Variants in PACRG observed in about 807,000 individuals in gnomAD.
PACRG encodes the protein parkin coregulated gene protein.
PACRG carries 29 observed loss-of-function variants against 29.7 expected under a neutral mutation model. That is an observed-to-expected ratio of 0.98 (90% CI 0.73 to 1.33). PACRG has a LOEUF of 1.33. Ranked by LOEUF, PACRG falls within the 40% of genes most tolerant of loss-of-function variation. PACRG has a pLI of 0.00. For missense variants in PACRG, 279 were observed against 316.2 expected (o/e 0.88, Z 0.89); for synonymous variants, 116 against 118.7 (o/e 0.98, Z 0.15).
chr6:163,131,622 G>A (rs1414023449), intron 4 of PACRG, among the ~76,000 whole-genome samples: 1 of 152,164 alleles, frequency 6.6e-6, no homozygotes, highest in African/African-American at 2.4e-5. Context: ...CACCAGGTTT[G>A]TGGTACGTTA....
chr6:163,240,034 C>A lies in PACRG; in HGVS notation c.614-74793C>A, dbSNP rs1196503244. On this transcript the variant is annotated intron_variant, in intron 4 of 4. Transcript: ENST00000366888. ...CACATACACATACACACACCCTCAC[C>A]CCTACTTCTACAGACACATACACAC... Among the ~76,000 whole-genome samples the A allele has an allele frequency of 2.0e-5, 3 of 148,460 alleles. No homozygotes were observed. In the South Asian group the frequency reaches 6.5e-4, roughly 32 times the overall value.
At chr6:163,277,502 TAC>T (rs149681578) in intron 4 of PACRG, among the ~76,000 whole-genome samples, 35 of 144,354 alleles carry the variant, frequency 2.4e-4, no homozygotes, top group South Asian at 8.7e-4. Context: ...TATACACACA[TAC>T]ACACACACAC....
intron 3 of PACRG, among the ~76,000 whole-genome samples, chr6:163,071,358 A>G (rs907472764): frequency 3.9e-5 from 6 of 152,148 alleles, no homozygotes; most frequent in Admixed American, 2.0e-4. Context: ...TTGAACTACA[A>G]TGGACTAAAA....
chr6:163,046,272 C>T (rs554165616), intron 2 of PACRG, among the ~76,000 whole-genome samples: 21 of 151,224 alleles, frequency 1.4e-4, no homozygotes, highest in African/African-American at 5.1e-4. Flanking sequence ...ATTTTCCTGA[C>T]TCCAGCCCAT....
chr6:162,891,424 T>C (rs550534121), intron 2 of PACRG, among the ~76,000 whole-genome samples: 3 of 152,208 alleles, frequency 2.0e-5, no homozygotes, highest in South Asian at 2.1e-4. Context: ...CCACAATTCA[T>C]AGAAGTTCCC....
At chr6:162,833,344 C>A (rs1304754174) in intron 2 of PACRG, among the ~76,000 whole-genome samples, 1 of 152,098 alleles carries the variant, frequency 6.6e-6, no homozygotes, top group Non-Finnish European at 1.5e-5. Flanking sequence ...TGTCTTTCTT[C>A]TAGTAACTGC....
At chr6:163,269,951 G>GAAAGAAAGAAAGAAAAC (rs1783739031) in intron 4 of PACRG, among the ~76,000 whole-genome samples, 2 of 44,404 alleles carry the variant, frequency 4.5e-5, no homozygotes, top group Admixed American at 2.0e-4. Flanking sequence ...AAGAAAGAAA[G>GAAAGAAAGAAAGAAAAC]AAAGAAAGAA....
chr6:162,939,759 T>G (rs985151228), intron 2 of PACRG, among the ~76,000 whole-genome samples: 1 of 152,068 alleles, frequency 6.6e-6, no homozygotes, highest in Non-Finnish European at 1.5e-5. Flanking sequence ...GTTATATTGT[T>G]GAACACTGCC....
chr6:162,838,731 A>G (rs1406349054), intron 2 of PACRG, among the ~76,000 whole-genome samples: 6 of 131,416 alleles, frequency 4.6e-5, no homozygotes, highest in Non-Finnish European at 9.8e-5. Context: ...TCCCAATGCT[A>G]TCCCTCCCCC....
chr6:162,907,906 T>C (rs956511559), intron 2 of PACRG, among the ~76,000 whole-genome samples: 1 of 152,162 alleles, frequency 6.6e-6, no homozygotes, highest in Non-Finnish European at 1.5e-5. Context: ...CTTATGACAC[T>C]GCCATCTTCA....
At chr6:163,193,480 G>A (rs890218719) in intron 4 of PACRG, among the ~76,000 whole-genome samples, 10 of 152,080 alleles carry the variant, frequency 6.6e-5, no homozygotes, top group African/African-American at 2.2e-4. Context: ...CTATCAACAA[G>A]GCGATTGTTC....
chr6:162,993,099 TGA>T (rs1282142398), intron 2 of PACRG, among the ~76,000 whole-genome samples: 1 of 147,254 alleles, frequency 6.8e-6, no homozygotes, highest in Non-Finnish European at 1.5e-5. Context: ...CACTGTGGTC[TGA>T]GAGATAGTTT....
rs553719821 is a variant in PACRG, at chr6:163,260,902, T to C, written c.614-53925T>C. 4.6e-5 allele frequency among the ~76,000 whole-genome samples: 7 copies of C among 152,296 alleles called. No homozygotes were observed. The South Asian group carries it at 1.5e-3, about 32-fold the overall frequency. ...TCTCCCAGGGTCTCAGGACCATGTC[T>C]GTAAGGTAGATGCTATTCGAATCTA... On this transcript the variant is annotated intron_variant, in intron 4 of 4. Coordinates refer to ENST00000366888, the MANE Select transcript of PACRG (RefSeq NM_001080379.2).
At chr6:163,242,119 T>G (rs1039400466) in intron 4 of PACRG, among the ~76,000 whole-genome samples, 3 of 152,202 alleles carry the variant, frequency 2.0e-5, no homozygotes, top group Non-Finnish European at 2.9e-5. Context: ...TTTTCATCCA[T>G]GCAACAAAAA....
At position 162,914,381 on chromosome 6, in the gene PACRG, C is replaced by T. The variant is rs141612905; in HGVS notation, c.291+100100C>T. ...CCGTATACATATGGAATAGAATAGA[C>T]GGTCCAGAAGTAGACTGAACAGTCT... On this transcript the variant is annotated intron_variant, in intron 2 of 4. Coordinates refer to ENST00000366888, the MANE Select transcript of PACRG (RefSeq NM_001080379.2). Among the ~76,000 whole-genome samples the T allele has an allele frequency of 4.7e-3, 716 of 152,092 alleles. 6 individuals carry two copies. Among genetic ancestry groups the T allele is most frequent in the African/African-American group, 0.016 (666 of 41,518 alleles).
At chr6:162,740,890 C>T (rs1430999734) in intron 1 of PACRG, among the ~76,000 whole-genome samples, 3 of 152,168 alleles carry the variant, frequency 2.0e-5, no homozygotes, top group Admixed American at 6.5e-5. Context: ...TGAGCCACCA[C>T]GCCCAGCCAT....
At chr6:163,195,865 G>A (rs1185812542) in intron 4 of PACRG, among the ~76,000 whole-genome samples, 1 of 152,134 alleles carries the variant, frequency 6.6e-6, no homozygotes, top group Non-Finnish European at 1.5e-5. Flanking sequence ...GGGTGTCTCC[G>A]CTGGCTCCCC....
Position 163,197,623 on chromosome 6 carries a change from G to A in PACRG, c.613+108215G>A, listed in dbSNP as rs543300004. On this transcript the variant is annotated intron_variant, in intron 4 of 4. Transcript: ENST00000366888. The stretch of plus-strand genomic sequence containing the variant: ...CACGCCCGGCTAATTTTTTTTTTTC[G>A]TGTTTTTAGTAGAGACGGGGTTTCA... Among the ~76,000 whole-genome samples the A allele has an allele frequency of 6.0e-4, 84 of 138,930 alleles. No homozygotes were observed. The East Asian group carries it at 0.013, about 22-fold the overall frequency. The allele number at this position is 138,930 out of a possible 152,430, so 91.1% of individuals were successfully genotyped here.
chr6:163,004,701 AGT>A lies in PACRG; in HGVS notation c.292-57424_292-57423del, dbSNP rs374627693. ...CCATATCAAATGTATACAAAGTTCT[AGT>A]GTGTGTGTGTGTGTGTGTGTGTGTA... On this transcript the variant is annotated intron_variant, in intron 2 of 4. Coordinates refer to ENST00000366888, the MANE Select transcript of PACRG (RefSeq NM_001080379.2). 1.5e-3 allele frequency among the ~76,000 whole-genome samples: 197 copies of A among 131,454 alleles called. 1 individual carries two copies. Among genetic ancestry groups the A allele is most frequent in the African/African-American group, 2.3e-3 (68 of 29,310 alleles). The allele number at this position is 131,454 out of a possible 152,430, so 86.2% of individuals were successfully genotyped here. A position where few individuals can be genotyped will look rare whatever the true frequency, so the allele number is the denominator to read the frequency against.
Sources: gnomAD v4.1 joint callset for allele counts (sites outside exome capture counted in the v4.1 genomes callset) on GRCh38, gnomAD v4.1.1 for gene constraint, MANE v1.5 for transcripts, NCBI Gene and HGNC (gene_info 2026-07-23, HGNC 2026-07-21) for gene names.